The following TAF4 variants were observed in gnomAD, a reference collection of about 807,000 sequenced individuals.
The protein encoded by TAF4 is transcription initiation factor TFIID subunit 4.
TAF4 carries 9 observed loss-of-function variants against 90.3 expected under a neutral mutation model. That is an observed-to-expected ratio of 0.10 (90% CI 0.06 to 0.17). TAF4 has a LOEUF of 0.17. Ranked by LOEUF, TAF4 falls within the 10% of genes least tolerant of loss-of-function variation. The pLI is 1.00. For missense variants in TAF4, 1,351 were observed against 1,370.7 expected (o/e 0.99, Z 0.23); for synonymous variants, 818 against 638.9 (o/e 1.28, Z -4.23).
In TAF4 at chr20:62,014,686, T is replaced by C; in HGVS notation, c.1382A>G (p.Glu461Gly). The C allele has an allele frequency of 6.2e-7, 1 of 1,613,844 alleles. No individual in the cohort carries two copies. The highest frequency in any genetic ancestry group is 8.5e-7 in the Non-Finnish European group (1 of 1,179,944). The change falls in exon 2 of 15, where the codon GAG becomes GGG. Residue 461 changes from glutamate (E) to glycine (G), a missense_variant. By Grantham distance (98) the Glu-to-Gly change is moderately conservative. Coordinates refer to ENST00000252996, the MANE Select transcript of TAF4 (RefSeq NM_003185.4). ...AGGAATCATTAACAACTGCCCATTC[T>C]CACTTCGGACGAGGACCATTCCTGC... is the stretch of plus-strand genomic sequence containing the variant. ...LPPGMVLVRSENGQLLMIPQQ... is the reference protein window; with the variant it reads ...LPPGMVLVRSGNGQLLMIPQQ...
Position 62,064,629 on chromosome 20 carries a change from G to C in TAF4, c.1182C>G (p.Pro394=), listed in dbSNP as rs1472246258. 7.4e-6 allele frequency: 10 copies of C among 1,352,178 alleles called. No individual in the cohort carries two copies. The highest frequency in any genetic ancestry group is 1.8e-5 in the South Asian group (1 of 56,122). 83.8% of individuals were successfully genotyped at this position (1,352,178 alleles called of 1,614,324 possible). The part of the protein sequence containing the change: ...PSPAAVPPPA[P]GTPTGLPKGA... The stretch of plus-strand genomic sequence containing the variant: ...CTTTGGGCAGCCCGGTGGGGGTCCC[G>C]GGGGCGGGCGGCGGGACGGCGGCCG... The change falls in exon 1 of 15, where the codon CCC becomes CCG. Residue 394 remains proline (P), a synonymous_variant. Transcript: ENST00000252996.
At chr20:62,008,609 A>C (rs894460877) in intron 5 of TAF4, among the ~76,000 whole-genome samples, 1 of 151,848 alleles carries the variant, frequency 6.6e-6, no homozygotes, top group Admixed American at 6.6e-5. Flanking sequence ...GGTCTGCTCC[A>C]TGGGGAGGGG....
chr20:62,012,658 G>A, intron 3 of TAF4, 157 bp downstream of exon 3: 1 of 1,108,004 alleles, frequency 9.0e-7, no homozygotes, highest in South Asian at 2.4e-5. Context: ...GGTGGTCAAA[G>A]AAAAAGCACT....
At position 62,027,495 on chromosome 20, in the gene TAF4, G is replaced by T. The variant is rs990065825; in HGVS notation, c.1361-12788C>A. The stretch of plus-strand genomic sequence containing the variant: ...TTAAATCTCTTAAGTTCACACAAAT[G>T]AACAGATTGGAGAAAAGTTTAGTGA... On this transcript the variant is annotated intron_variant, in intron 1 of 14. Coordinates refer to ENST00000252996, the MANE Select transcript of TAF4 (RefSeq NM_003185.4). 2.0e-5 allele frequency among the ~76,000 whole-genome samples: 3 copies of T among 152,140 alleles called. No homozygotes were observed. In the South Asian group the frequency reaches 6.2e-4, roughly 32 times the overall value.
At chr20:61,993,801 A>G (rs2055646647) in intron 14 of TAF4, among the ~76,000 whole-genome samples, 2 of 152,032 alleles carry the variant, frequency 1.3e-5, no homozygotes, top group African/African-American at 2.4e-5. Context: ...CACCCAGGCT[A>G]GAGTGCAGTG....
At position 62,065,549 on chromosome 20, in the gene TAF4, C is replaced by G; in HGVS notation, c.262G>C (p.Glu88Gln). 1 of 977,032 alleles carries G rather than the reference C, an allele frequency of 1.0e-6. No individual in the cohort carries two copies. Among genetic ancestry groups the G allele is most frequent in the Non-Finnish European group, 1.2e-6 (1 of 826,600 alleles). The allele number at this position is 977,032 out of a possible 1,614,324, so 60.5% of individuals were successfully genotyped here. A position where few individuals can be genotyped will look rare whatever the true frequency, so the allele number is the denominator to read the frequency against. ...CGCGCTCTACCTGCGGGGGGCGGCTCCGGCGCCGCTCCGGGCGCGCCCTCG... is the reference window on the plus strand; with the variant it reads ...CGCGCTCTACCTGCGGGGGGCGGCTGCGGCGCCGCTCCGGGCGCGCCCTCG... ...PAEGAPGAAP[E>Q]PPPAGRARPG... The change falls in exon 1 of 15, where the codon GAG becomes CAG. Residue 88 changes from glutamate to glutamine, a missense_variant. Physicochemically the swap from Glu to Gln is conservative, Grantham distance 29 (BLOSUM62 2). Transcript: ENST00000252996.
intron 1 of TAF4, among the ~76,000 whole-genome samples, chr20:62,056,246 GA>G (rs1236419820): frequency 6.6e-6 from 1 of 151,996 alleles, no homozygotes; most frequent in African/African-American, 2.4e-5. Flanking sequence ...CGAAAAAAAA[GA>G]AAAAAACAAG....
chr20:62,033,334 G>C (rs142647326), intron 1 of TAF4, among the ~76,000 whole-genome samples: 1 of 152,334 alleles, frequency 6.6e-6, no homozygotes, highest in Non-Finnish European at 1.5e-5. Context: ...CAAGGGCCCT[G>C]GTGGGTTTTA....
intron 1 of TAF4, among the ~76,000 whole-genome samples, chr20:62,031,320 G>C (rs897185478): frequency 2.6e-5 from 4 of 152,230 alleles, no homozygotes; most frequent in African/African-American, 9.6e-5. Context: ...TGCAGAATCA[G>C]GCTGTGCTCG....
chr20:62,053,337 G>A (rs1415006141), intron 1 of TAF4, among the ~76,000 whole-genome samples: 1 of 152,222 alleles, frequency 6.6e-6, no homozygotes, highest in Non-Finnish European at 1.5e-5. Context: ...GGGAGCCGGA[G>A]GACCAGGACC....
intron 13 of TAF4, 69 bp downstream of exon 13, chr20:61,998,067 C>G: frequency 6.8e-7 from 1 of 1,470,432 alleles, no homozygotes; most frequent in Non-Finnish European, 9.3e-7. Context: ...GTTTCCTTAG[C>G]CCCCCTCCCG....
intron 14 of TAF4, chr20:61,979,203 G>C (rs1192337169): frequency 6.5e-6 from 1 of 153,214 alleles, no homozygotes; most frequent in African/African-American, 2.4e-5. Context: ...CACGGCAGTG[G>C]CAGTGGCTTT....
intron 1 of TAF4, among the ~76,000 whole-genome samples, chr20:62,029,292 T>C (rs912961797): frequency 5.9e-5 from 9 of 152,044 alleles, no homozygotes; most frequent in African/African-American, 1.9e-4. Context: ...TTTTGCAAGA[T>C]AAAACTCGGA....
chr20:62,054,965 C>T (rs952230194), intron 1 of TAF4, among the ~76,000 whole-genome samples: 1 of 152,162 alleles, frequency 6.6e-6, no homozygotes, highest in Admixed American at 6.5e-5. Context: ...CTCCCTCCAG[C>T]CCATCCACAC....
At chr20:61,992,875 C>G (rs1450718169) in intron 14 of TAF4, among the ~76,000 whole-genome samples, 1 of 152,156 alleles carries the variant, frequency 6.6e-6, no homozygotes, top group Non-Finnish European at 1.5e-5. Flanking sequence ...AAAGATGGCA[C>G]AGTCTGAACT....
chr20:62,013,240 TA>T (rs2055790293), intron 2 of TAF4, among the ~76,000 whole-genome samples: 1 of 152,212 alleles, frequency 6.6e-6, no homozygotes, highest in African/African-American at 2.4e-5. Context: ...GTGACCTCGT[TA>T]ACAATCACTA....
At chr20:62,030,713 A>G (rs1010764123) in intron 1 of TAF4, among the ~76,000 whole-genome samples, 1 of 152,172 alleles carries the variant, frequency 6.6e-6, no homozygotes, top group African/African-American at 2.4e-5. Context: ...TCGTCCAAAA[A>G]CTTTACTAAG....
chr20:62,002,671 G>T (rs1600837316), intron 9 of TAF4, among the ~76,000 whole-genome samples: 2 of 152,222 alleles, frequency 1.3e-5, no homozygotes, highest in East Asian at 3.9e-4. Context: ...TTTATTTTTT[G>T]TTGTTGTTGA....
rs78971842 is a variant in TAF4 at position 62,029,488 on chromosome 20, A to G, written c.1361-14781T>C. The stretch of plus-strand genomic sequence containing the variant: ...CCAGTGCCCACGTGCGCGCGCGCGC[A>G]CACACACACACACACACACTCATAC... On this transcript the variant is annotated intron_variant, in intron 1 of 14. Transcript: ENST00000252996. Among the ~76,000 whole-genome samples the G allele has an allele frequency of 4.4e-3, 574 of 129,130 alleles. 3 individuals are homozygous for G. The highest frequency in any genetic ancestry group is 0.013 in the East Asian group (40 of 3,132). The allele number at this position is 129,130 out of a possible 152,430, so 84.7% of individuals were successfully genotyped here. A position where few individuals can be genotyped will look rare whatever the true frequency, so the allele number is the denominator to read the frequency against.
Sources: gnomAD v4.1 joint callset for allele counts (sites outside exome capture counted in the v4.1 genomes callset) on GRCh38, gnomAD v4.1.1 for gene constraint, MANE v1.5 for transcripts, NCBI Gene and HGNC (gene_info 2026-07-23, HGNC 2026-07-21) for gene names.